The following ASTN2 variants were observed in gnomAD, a reference collection of about 807,000 sequenced individuals.
The protein encoded by ASTN2 is astrotactin-2.
In ASTN2, 54 loss-of-function variants were observed where a neutral mutation model predicts 139.8. The ratio of observed to expected loss-of-function variants is 0.39; its 90% CI spans 0.31 to 0.48. The LOEUF (loss-of-function observed/expected upper bound fraction) is 0.48, where lower values mean the gene tolerates loss of function less well. ASTN2 is among the 20% of genes least tolerant of loss of function. The pLI, the probability that ASTN2 is intolerant of heterozygous loss-of-function variation, is 0.95. For missense variants in ASTN2, 1,565 were observed against 1,725.1 expected, an observed-to-expected ratio of 0.91 and a Z score of 1.64; for synonymous variants, 756 against 719.5, an observed-to-expected ratio of 1.05 and a Z score of -0.81.
chr9:117,322,949 A>G (rs973035768), intron 1 of ASTN2, among the ~76,000 whole-genome samples: 3 of 152,186 alleles, frequency 2.0e-5, no homozygotes, highest in Admixed American at 2.0e-4. Flanking sequence ...GGCTGAAATA[A>G]GAACAATAAT....
intron 10 of ASTN2, among the ~76,000 whole-genome samples, chr9:116,914,392 A>C (rs1834388376): frequency 6.6e-6 from 1 of 152,084 alleles, no homozygotes; most frequent in Admixed American, 6.6e-5. Flanking sequence ...AGGAGAATGC[A>C]TCTAATTCCT....
At chr9:117,095,628 G>A (rs1013638897) in intron 5 of ASTN2, among the ~76,000 whole-genome samples, 1 of 152,024 alleles carries the variant, frequency 6.6e-6, no homozygotes, top group Non-Finnish European at 1.5e-5. Flanking sequence ...TTTGGCTGCC[G>A]GGAATTTCTT....
At chr9:117,260,704 T>C (rs1833801603) in intron 2 of ASTN2, among the ~76,000 whole-genome samples, 1 of 152,054 alleles carries the variant, frequency 6.6e-6, no homozygotes, top group Non-Finnish European at 1.5e-5. Flanking sequence ...CACATCTCCT[T>C]ACTATTAACT....
intron 16 of ASTN2, among the ~76,000 whole-genome samples, chr9:116,672,820 G>A (rs1028983027): frequency 6.6e-6 from 1 of 152,072 alleles, no homozygotes; most frequent in Admixed American, 6.6e-5. Context: ...GTGGTGTTGG[G>A]GTTCTGTCTG....
At chr9:116,922,024 C>T (rs1834626905) in intron 10 of ASTN2, among the ~76,000 whole-genome samples, 1 of 152,166 alleles carries the variant, frequency 6.6e-6, no homozygotes. Context: ...ATATCACCAT[C>T]TCCTACTTCT....
At chr9:116,628,105 C>A (rs1199703723) in intron 17 of ASTN2, among the ~76,000 whole-genome samples, 1 of 152,146 alleles carries the variant, frequency 6.6e-6, no homozygotes, top group Non-Finnish European at 1.5e-5. Flanking sequence ...AGTCCACCCA[C>A]CTTTAGCAGA....
At chr9:116,761,758 C>T (rs1829677922) in intron 13 of ASTN2, among the ~76,000 whole-genome samples, 1 of 151,870 alleles carries the variant, frequency 6.6e-6, no homozygotes, top group African/African-American at 2.4e-5. Context: ...AGACTTTATC[C>T]TGGGCACAAT....
intron 2 of ASTN2, among the ~76,000 whole-genome samples, chr9:117,271,005 G>A (rs1453080902): frequency 1.3e-5 from 2 of 152,144 alleles, no homozygotes; most frequent in African/African-American, 4.8e-5. Flanking sequence ...GGACACTCAC[G>A]GCATTTTATC....
intron 1 of ASTN2, among the ~76,000 whole-genome samples, chr9:117,338,354 T>A (rs1429450719): frequency 6.6e-6 from 1 of 152,128 alleles, no homozygotes; most frequent in Non-Finnish European, 1.5e-5. Flanking sequence ...TTCCTAGACC[T>A]GCATCTAAAA....
chr9:117,312,896 A>T (rs1270305388), intron 1 of ASTN2, among the ~76,000 whole-genome samples: 1 of 152,316 alleles, frequency 6.6e-6, no homozygotes, highest in Non-Finnish European at 1.5e-5. Context: ...AAACCCATGG[A>T]AAATGCATCA....
intron 7 of ASTN2, among the ~76,000 whole-genome samples, chr9:116,984,413 T>C (rs911868937): frequency 6.6e-6 from 1 of 152,230 alleles, no homozygotes; most frequent in Non-Finnish European, 1.5e-5. Flanking sequence ...CAGCCAATTT[T>C]TCCAACCTTA....
At chr9:117,022,851 C>T (rs112275870) in intron 6 of ASTN2, among the ~76,000 whole-genome samples, 11 of 152,012 alleles carry the variant, frequency 7.2e-5, no homozygotes, top group Admixed American at 1.3e-4. Context: ...AGAGGGGCTG[C>T]GTCTGAGATG....
intron 4 of ASTN2, among the ~76,000 whole-genome samples, chr9:117,126,563 C>G (rs1273311380): frequency 1.3e-5 from 2 of 152,118 alleles, no homozygotes; most frequent in African/African-American, 4.8e-5. Context: ...GTAGAATAAA[C>G]AAAACCATGA....
At chr9:116,581,715 C>A (rs1240859417) in intron 19 of ASTN2, among the ~76,000 whole-genome samples, 2 of 152,152 alleles carry the variant, frequency 1.3e-5, no homozygotes, top group Admixed American at 6.5e-5. Context: ...CCCTTTGTGG[C>A]AACTCCACTG....
chr9:116,850,200 T>C (rs922224469), intron 11 of ASTN2, among the ~76,000 whole-genome samples: 1 of 152,176 alleles, frequency 6.6e-6, no homozygotes, highest in African/African-American at 2.4e-5. Context: ...GGCAGGGCCC[T>C]TCAAGGTTTT....
chr9:116,486,185 A>C (rs12377406), intron 20 of ASTN2, among the ~76,000 whole-genome samples: 23,856 of 152,254 alleles, frequency 0.16, 2,286 homozygotes, highest in Middle Eastern at 0.24. Flanking sequence ...CCTTTCTTAC[A>C]ATTATTAGGT....
In ASTN2 at chr9:117,370,313, G is replaced by A. The variant is rs1393567443; in HGVS notation, c.442+44184C>T. Among the ~76,000 whole-genome samples, 3 of 152,156 alleles carry A rather than the reference G, an allele frequency of 2.0e-5. No individual in the cohort carries two copies. In the East Asian group the frequency reaches 5.8e-4, roughly 29 times the overall value. ...CAAAAGCAACTTTTCATCATGCACA[G>A]TCAATGGAAAACAAATCAATCACCC... On this transcript the variant is annotated intron_variant, in intron 1 of 22. Coordinates refer to ENST00000313400, the MANE Select transcript of ASTN2 (RefSeq NM_001365068.1).
chr9:116,652,356 ATTAAT>A (rs1243373728), intron 16 of ASTN2, among the ~76,000 whole-genome samples: 2 of 152,122 alleles, frequency 1.3e-5, no homozygotes, highest in African/African-American at 4.8e-5. Context: ...AAATAAATTA[ATTAAT>A]TAAATAAAGT....
intron 1 of ASTN2, among the ~76,000 whole-genome samples, chr9:117,352,271 G>C (rs1172525154): frequency 6.6e-6 from 1 of 152,170 alleles, no homozygotes; most frequent in Non-Finnish European, 1.5e-5. Context: ...CCTTTAAAAT[G>C]TCAAGTACTG....
Sources: gnomAD v4.1 joint callset for allele counts (sites outside exome capture counted in the v4.1 genomes callset) on GRCh38, gnomAD v4.1.1 for gene constraint, MANE v1.5 for transcripts, NCBI Gene and HGNC (gene_info 2026-07-23, HGNC 2026-07-21) for gene names.